Variants in FRMD4B observed in about 807,000 individuals in gnomAD.
FRMD4B encodes FERM domain-containing protein 4B.
In FRMD4B, 74 loss-of-function variants were observed where a neutral mutation model predicts 141.5. The ratio of observed to expected loss-of-function variants is 0.52; its 90% CI spans 0.43 to 0.63. FRMD4B has a LOEUF of 0.63. FRMD4B is among the 30% of genes least tolerant of loss of function. The pLI is 0.00. For missense variants in FRMD4B, 1,366 were observed against 1,253.4 expected (o/e 1.09, Z -1.36); for synonymous variants, 506 against 467.9 (o/e 1.08, Z -1.05).
At chr3:69,508,036 C>T (rs905843041) in intron 1 of FRMD4B, among the ~76,000 whole-genome samples, 1 of 152,078 alleles carries the variant, frequency 6.6e-6, no homozygotes, top group African/African-American at 2.4e-5. Context: ...AAAGTAACTG[C>T]TTTATTCACC....
chr3:69,427,115 A>C (rs1705094382), intron 2 of FRMD4B, among the ~76,000 whole-genome samples: 1 of 151,996 alleles, frequency 6.6e-6, no homozygotes, highest in South Asian at 2.1e-4. Flanking sequence ...AAGGAGGGGA[A>C]AACTGACCTC....
At chr3:69,467,342 C>A (rs1479940873) in intron 1 of FRMD4B, among the ~76,000 whole-genome samples, 2 of 152,144 alleles carry the variant, frequency 1.3e-5, no homozygotes, top group Non-Finnish European at 2.9e-5. Context: ...TGATTTGGAC[C>A]CAAATCCATC....
In FRMD4B at chr3:69,302,375, T is replaced by C; in HGVS notation, c.384A>G (p.Lys128=). ...HRVLDHDLPK[K]PGPTILHFAV... ...CAAAGTGCAAAATGGTTGGGCCTGG[T>C]TTCTTGGGCAAATCGTGGTCAAGAA... Residue 128 remains lysine (K), a synonymous_variant, in exon 4 of 23, where the codon AAA becomes AAG. Transcript: ENST00000398540. 2 of 1,609,222 alleles carry C rather than the reference T, an allele frequency of 1.2e-6. No individual in the cohort carries two copies. Among genetic ancestry groups the C allele is most frequent in the Non-Finnish European group, 1.7e-6 (2 of 1,176,814 alleles).
intron 1 of FRMD4B, among the ~76,000 whole-genome samples, chr3:69,468,925 C>CAAT (rs1705838854): frequency 6.6e-6 from 1 of 152,126 alleles, no homozygotes; most frequent in Non-Finnish European, 1.5e-5. Flanking sequence ...TCAATACAGA[C>CAAT]CTATGGCCTG....
At chr3:69,228,355 G>C (rs975292765) in intron 7 of FRMD4B, 2 of 456,878 alleles carry the variant, frequency 4.4e-6, no homozygotes, top group African/African-American at 4.0e-5. Context: ...TTGGGGCCAA[G>C]TGAGACAGGC....
At chr3:69,402,638 T>G (rs1187656109) in intron 2 of FRMD4B, among the ~76,000 whole-genome samples, 1 of 152,142 alleles carries the variant, frequency 6.6e-6, no homozygotes, top group Non-Finnish European at 1.5e-5. Flanking sequence ...AGGGCTGAAT[T>G]GAACCAAATA....
intron 3 of FRMD4B, among the ~76,000 whole-genome samples, chr3:69,310,970 A>T (rs972987400): frequency 4.6e-5 from 7 of 152,220 alleles, no homozygotes; most frequent in African/African-American, 1.7e-4. Context: ...ATTAGCAAGC[A>T]CAATCACATT....
At chr3:69,524,612 A>G (rs887407844) in intron 1 of FRMD4B, among the ~76,000 whole-genome samples, 1 of 152,146 alleles carries the variant, frequency 6.6e-6, no homozygotes, top group Non-Finnish European at 1.5e-5. Flanking sequence ...AGGTAGGGGA[A>G]CCCATATCCC....
At chr3:69,385,657 C>G (rs1704232864) in intron 1 of FRMD4B, among the ~76,000 whole-genome samples, 171 bp downstream of exon 1, 2 of 152,162 alleles carry the variant, frequency 1.3e-5, no homozygotes, top group Admixed American at 6.5e-5. Flanking sequence ...AATTCACAAG[C>G]TCTGTCAAGC....
chr3:69,363,768 C>T (rs936472958), intron 1 of FRMD4B, among the ~76,000 whole-genome samples: 22 of 152,166 alleles, frequency 1.4e-4, no homozygotes, highest in Non-Finnish European at 1.0e-4. Context: ...TATGTTTACC[C>T]TTAACCAATC....
intron 21 of FRMD4B, among the ~76,000 whole-genome samples, chr3:69,177,932 G>T (rs1047559386): frequency 6.6e-6 from 1 of 152,094 alleles, no homozygotes; most frequent in African/African-American, 2.4e-5. Context: ...GGTGTGGATT[G>T]GGGGAAGAGG....
At chr3:69,493,450 C>T (rs962134179) in intron 1 of FRMD4B, among the ~76,000 whole-genome samples, 2 of 152,152 alleles carry the variant, frequency 1.3e-5, no homozygotes, top group African/African-American at 4.8e-5. Flanking sequence ...GCTAGCCAAA[C>T]AAAACACACT....
intron 7 of FRMD4B, among the ~76,000 whole-genome samples, chr3:69,239,948 G>T (rs1575646148): frequency 6.6e-6 from 1 of 152,080 alleles, no homozygotes; most frequent in Admixed American, 6.5e-5. Flanking sequence ...AGCTATTCAG[G>T]AGGCTGAGGC....
intron 7 of FRMD4B, among the ~76,000 whole-genome samples, chr3:69,229,448 A>G (rs944769497): frequency 2.6e-5 from 4 of 152,178 alleles, no homozygotes; most frequent in African/African-American, 9.7e-5. Context: ...AATATATAAC[A>G]TCACTTTCCT....
At chr3:69,471,335 G>A (rs1705887936) in intron 1 of FRMD4B, 1 of 180,552 alleles carries the variant, frequency 5.5e-6, no homozygotes, top group Non-Finnish European at 1.2e-5. Context: ...TGATCATGAA[G>A]GGTGATCATA....
chr3:69,370,627 A>G (rs574448966), intron 1 of FRMD4B, among the ~76,000 whole-genome samples: 1 of 152,382 alleles, frequency 6.6e-6, no homozygotes, highest in East Asian at 1.9e-4. Context: ...ATGTATTTCA[A>G]CATACATGGC....
intron 1 of FRMD4B, among the ~76,000 whole-genome samples, chr3:69,454,019 C>A (rs1705542939): frequency 6.6e-6 from 1 of 152,152 alleles, no homozygotes; most frequent in Admixed American, 6.5e-5. Flanking sequence ...ATGTTTGCCT[C>A]CTCCTCAGGC....
chr3:69,371,029 T>C (rs546598930), intron 1 of FRMD4B, among the ~76,000 whole-genome samples: 11 of 152,326 alleles, frequency 7.2e-5, no homozygotes, highest in African/African-American at 2.6e-4. Flanking sequence ...AATGAGCATA[T>C]GAACAAATAT....
chr3:69,425,298 A>T (rs1266073381), intron 2 of FRMD4B, among the ~76,000 whole-genome samples: 1 of 152,230 alleles, frequency 6.6e-6, no homozygotes, highest in Admixed American at 6.5e-5. Flanking sequence ...GCATGGAGTT[A>T]AAGTTCACAA....
Sources: allele counts gnomAD v4.1 joint callset (sites outside exome capture counted in the v4.1 genomes callset), GRCh38; gene constraint gnomAD v4.1.1; transcripts MANE v1.5; gene names NCBI Gene and HGNC (gene_info 2026-07-23, HGNC 2026-07-21).